The following TBC1D4 variants were observed in gnomAD, a reference collection of about 807,000 sequenced individuals.
TBC1D4 encodes TBC1 domain family member 4, also known as TBC (Tre-2, BUB2, CDC16) domain-containing protein.
A neutral mutation model predicts 142.5 loss-of-function variants in TBC1D4; 121 were observed. The observed-to-expected ratio is 0.85, with a 90% confidence interval of 0.73 to 0.99. TBC1D4 has a LOEUF of 0.99. Among genes scored for constraint, TBC1D4 ranks in the 50% least tolerant of loss-of-function variants. TBC1D4 has a pLI of 0.00. For missense variants in TBC1D4, 1,475 were observed against 1,606.6 expected (o/e 0.92, Z 1.40); for synonymous variants, 630 against 628.2 (o/e 1.00, Z -0.04).
At chr13:75,443,189 C>A (rs1025178676) in intron 1 of TBC1D4, among the ~76,000 whole-genome samples, 18 of 152,156 alleles carry the variant, frequency 1.2e-4, no homozygotes, top group African/African-American at 4.1e-4. Context: ...AATAACTGCA[C>A]AACTACTTTT....
intron 1 of TBC1D4, among the ~76,000 whole-genome samples, chr13:75,423,255 G>GTT (rs540221672): frequency 2.7e-5 from 4 of 148,638 alleles, no homozygotes; most frequent in African/African-American, 4.9e-5. Context: ...GTATGTAAGT[G>GTT]TTTTTTTTTT....
chr13:75,481,664 C>A lies in TBC1D4; in HGVS notation c.104G>T (p.Arg35Leu), dbSNP rs1326668734. ...QPGPGKPSDKRFRLWYVGGSC... is the reference protein window; with the variant it reads ...QPGPGKPSDKLFRLWYVGGSC... The stretch of plus-strand genomic sequence containing the variant: ...CCCCCCAACGTACCACAGCCGGAAC[C>A]GCTTATCGCTTGGCTTCCCGGGGCC... The change falls in exon 1 of 21, where the codon CGG becomes CTG. Residue 35 changes from arginine (R) to leucine (L), a missense_variant. Arg to Leu is a moderately radical substitution (Grantham distance 102). This residue lies in a region of TBC1D4 where 1,227 missense variants were observed against 1,267.7 expected (regional missense o/e 0.97). Coordinates refer to ENST00000377636, the MANE Select transcript of TBC1D4 (RefSeq NM_014832.5). 6.2e-7 allele frequency: 1 copy of A among 1,601,276 alleles called. No homozygotes were observed.
intron 1 of TBC1D4, among the ~76,000 whole-genome samples, chr13:75,438,391 C>T (rs757793249): frequency 6.6e-6 from 1 of 152,102 alleles, no homozygotes; most frequent in African/African-American, 2.4e-5. Flanking sequence ...ACCTTAATAG[C>T]CCAGTCACTT....
intron 15 of TBC1D4, among the ~76,000 whole-genome samples, chr13:75,303,722 G>A (rs1268023153): frequency 6.6e-6 from 1 of 152,188 alleles, no homozygotes; most frequent in African/African-American, 2.4e-5. Flanking sequence ...TGAAACTGAG[G>A]CTCGTTGGCA....
At chr13:75,350,273 C>A (rs1881491296) in intron 4 of TBC1D4, among the ~76,000 whole-genome samples, 1 of 152,062 alleles carries the variant, frequency 6.6e-6, no homozygotes, top group Non-Finnish European at 1.5e-5. Flanking sequence ...ATATTCTTTT[C>A]CCCTTCCCCT....
chr13:75,479,835 G>A (rs751531759), intron 1 of TBC1D4, among the ~76,000 whole-genome samples: 1 of 152,092 alleles, frequency 6.6e-6, no homozygotes, highest in African/African-American at 2.4e-5. Context: ...ATTTTAGTAC[G>A]ATATTTTGCC....
intron 16 of TBC1D4, among the ~76,000 whole-genome samples, chr13:75,301,644 CAA>C (rs35184321): frequency 9.7e-5 from 12 of 124,056 alleles, no homozygotes; most frequent in East Asian, 2.4e-4. Context: ...GACTCCATCT[CAA>C]AAAAAAAAAA....
chr13:75,354,335 C>A (rs1022828169), intron 4 of TBC1D4, among the ~76,000 whole-genome samples: 1 of 152,044 alleles, frequency 6.6e-6, no homozygotes, highest in African/African-American at 2.4e-5. Context: ...GAAGAGATGG[C>A]AGATTAAGCC....
chr13:75,290,900 C>A (rs1593860279), intron 19 of TBC1D4, among the ~76,000 whole-genome samples: 1 of 152,120 alleles, frequency 6.6e-6, no homozygotes, highest in East Asian at 1.9e-4. Flanking sequence ...AACAAGGTTC[C>A]AAACTCCCTT....
At chr13:75,432,860 T>C (rs1330593887) in intron 1 of TBC1D4, among the ~76,000 whole-genome samples, 1 of 151,264 alleles carries the variant, frequency 6.6e-6, no homozygotes, top group African/African-American at 2.4e-5. Flanking sequence ...GAGAATGTCG[T>C]GAACCCGGAA....
At chr13:75,315,449 T>C (rs1240247160) in intron 12 of TBC1D4, among the ~76,000 whole-genome samples, 1 of 150,758 alleles carries the variant, frequency 6.6e-6, no homozygotes, top group African/African-American at 2.4e-5. Flanking sequence ...TATTTGCTTT[T>C]ACTTGCACTT....
intron 1 of TBC1D4, among the ~76,000 whole-genome samples, chr13:75,472,044 T>C (rs1246292286): frequency 6.8e-6 from 1 of 146,410 alleles, no homozygotes; most frequent in African/African-American, 2.6e-5. Context: ...TAGGTGGAGG[T>C]TGCAGTGAGC....
intron 8 of TBC1D4, among the ~76,000 whole-genome samples, chr13:75,331,446 G>C (rs1183100850): frequency 6.6e-6 from 1 of 152,112 alleles, no homozygotes; most frequent in Non-Finnish European, 1.5e-5. Flanking sequence ...GCTGCAGTGA[G>C]CTATGATCAC....
intron 1 of TBC1D4, among the ~76,000 whole-genome samples, chr13:75,466,764 G>A (rs957076270): frequency 2.0e-5 from 3 of 151,890 alleles, no homozygotes; most frequent in East Asian, 1.9e-4. Flanking sequence ...CAAGCAACTC[G>A]GGAGGCTGAG....
chr13:75,349,245 T>A lies in TBC1D4; in HGVS notation c.1333A>T (p.Ser445Cys). ...QAFSTAAALQSAKTQIKLCEA... is the reference protein window; with the variant it reads ...QAFSTAAALQCAKTQIKLCEA... ...CACAGTTTAATCTGCGTCTTGGCAC[T>A]CTGCAGGGCAGCCGCCGTACTGAAG... Residue 445 changes from serine to cysteine, a missense_variant, in exon 5 of 21, where the codon AGT (serine) becomes TGT (cysteine). This residue lies in a region of TBC1D4 where 1,227 missense variants were observed against 1,267.7 expected (regional missense o/e 0.97). Coordinates refer to ENST00000377636, the MANE Select transcript of TBC1D4 (RefSeq NM_014832.5). The A allele has an allele frequency of 6.2e-7, 1 of 1,613,922 alleles. No homozygotes were observed. The highest frequency in any genetic ancestry group is 1.1e-5 in the South Asian group (1 of 91,068).
chr13:75,390,783 C>T (rs891070221), intron 1 of TBC1D4, among the ~76,000 whole-genome samples: 2 of 134,978 alleles, frequency 1.5e-5, no homozygotes, highest in South Asian at 2.3e-4. Flanking sequence ...CTATTTAGTG[C>T]GTGAAAATCA....
At chr13:75,294,337 C>G (rs994217487) in intron 18 of TBC1D4, among the ~76,000 whole-genome samples, 5 of 152,186 alleles carry the variant, frequency 3.3e-5, no homozygotes, top group African/African-American at 7.2e-5. Flanking sequence ...TGTCCCCCAG[C>G]ACTGCATTGG....
At chr13:75,324,494 T>C in intron 10 of TBC1D4, 93 bp from the exon 11 acceptor site, 3 of 1,461,950 alleles carry the variant, frequency 2.1e-6, no homozygotes, top group Non-Finnish European at 1.9e-6. Context: ...GTTCTTGCTA[T>C]TAATTTAATC....
chr13:75,449,242 A>G (rs994369924), intron 1 of TBC1D4, among the ~76,000 whole-genome samples: 1 of 152,046 alleles, frequency 6.6e-6, no homozygotes, highest in East Asian at 1.9e-4. Flanking sequence ...GTGTGTGTGT[A>G]TATATGTGTG....
Sources: allele counts gnomAD v4.1 joint callset (sites outside exome capture counted in the v4.1 genomes callset), GRCh38; gene constraint gnomAD v4.1.1; regional missense constraint gnomAD v4.1.1; transcripts MANE v1.5; gene names NCBI Gene and HGNC (gene_info 2026-07-23, HGNC 2026-07-21).